NEMF: variants seen among roughly 807,000 people sequenced by gnomAD.
NEMF encodes the protein ribosome quality control complex subunit NEMF.
A neutral mutation model predicts 162.2 loss-of-function variants in NEMF; 89 were observed. That is an observed-to-expected ratio of 0.55 (90% CI 0.46 to 0.65). The LOEUF (loss-of-function observed/expected upper bound fraction) is 0.65, where lower values mean the gene tolerates loss of function less well. NEMF is among the 30% of genes least tolerant of loss of function. The probability of loss-of-function intolerance (pLI) is 0.00; values close to 1 mark genes in which losing one functional copy is unlikely to be tolerated. For missense variants in NEMF, 1,133 were observed against 1,261.9 expected, an observed-to-expected ratio of 0.90 and a Z score of 1.55; for synonymous variants, 421 against 404.5, an observed-to-expected ratio of 1.04 and a Z score of -0.49.
At chr14:49,838,036 T>C in intron 6 of NEMF, 103 bp downstream of exon 6, 1 of 826,988 alleles carries the variant, frequency 1.2e-6, no homozygotes, top group Non-Finnish European at 1.9e-6. Flanking sequence ...ACTCCAAGGA[T>C]CACTTGTTCA....
intron 1 of NEMF, among the ~76,000 whole-genome samples, 177 bp downstream of exon 1, chr14:49,852,518 A>G (rs1893830845): frequency 6.6e-6 from 1 of 152,256 alleles, no homozygotes; most frequent in Admixed American, 6.5e-5. Flanking sequence ...TGGGACCCCC[A>G]GGGGTATCCT....
intron 15 of NEMF, among the ~76,000 whole-genome samples, chr14:49,826,872 A>G (rs1892376759): frequency 6.6e-6 from 1 of 152,202 alleles, no homozygotes; most frequent in Non-Finnish European, 1.5e-5. Flanking sequence ...ATCGTTAGTA[A>G]TGAGCGGTCA....
Position 49,831,366 on chromosome 14 carries a change from T to A in NEMF, c.883-5A>T, listed in dbSNP as rs754047814. The A allele has an allele frequency of 1.3e-6, 2 of 1,586,200 alleles. No individual in the cohort carries two copies. The highest frequency in any genetic ancestry group is 1.7e-6 in the Non-Finnish European group (2 of 1,156,252). On this transcript the variant is annotated splice_region_variant and splice_polypyrimidine_tract_variant and intron_variant, in intron 10 of 32. Transcript: ENST00000298310. The stretch of plus-strand genomic sequence containing the variant: ...GGAATAAAATTCATCCACCGCCTTA[T>A]TAAAAAAACAAACAACTAGTTGGAA...
intron 3 of NEMF, 100 bp downstream of exon 3, chr14:49,851,463 T>C: frequency 1.3e-6 from 1 of 773,030 alleles, no homozygotes; most frequent in Non-Finnish European, 2.2e-6. Context: ...ACCTTCATTT[T>C]ATCTGCACTT....
intron 16 of NEMF, among the ~76,000 whole-genome samples, chr14:49,816,891 T>C (rs138712872): frequency 1.8e-3 from 278 of 152,212 alleles, no homozygotes; most frequent in Admixed American, 4.1e-3. Flanking sequence ...AGGGAATGTA[T>C]AGCCAACAAG....
At chr14:49,819,028 G>A (rs1347655904) in intron 16 of NEMF, among the ~76,000 whole-genome samples, 3 of 151,980 alleles carry the variant, frequency 2.0e-5, no homozygotes. Context: ...TATGAAAGAT[G>A]GAGACAAAAG....
chr14:49,817,732 A>G (rs1594764908), intron 16 of NEMF, among the ~76,000 whole-genome samples: 1 of 152,038 alleles, frequency 6.6e-6, no homozygotes, highest in East Asian at 1.9e-4. Flanking sequence ...AACTTTAGAC[A>G]AAGTCTTTAA....
intron 5 of NEMF, among the ~76,000 whole-genome samples, chr14:49,839,005 C>A (rs982094949): frequency 5.3e-5 from 8 of 151,900 alleles, no homozygotes; most frequent in Non-Finnish European, 1.0e-4. Context: ...ACTGAATTAG[C>A]AGAGGGTGGG....
At position 49,784,533 on chromosome 14, in the gene NEMF, C is replaced by G. The variant is rs1488527433; in HGVS notation, c.*103G>C. 2.5e-5 allele frequency: 20 copies of G among 790,076 alleles called. No homozygotes were observed. Among genetic ancestry groups the G allele is most frequent in the Non-Finnish European group, 3.7e-5 (18 of 483,874 alleles). 48.9% of individuals were successfully genotyped at this position (790,076 alleles called of 1,614,324 possible). A position where few individuals can be genotyped will look rare whatever the true frequency, so the allele number is the denominator to read the frequency against. On this transcript the variant is annotated 3_prime_UTR_variant, in exon 33 of 33. Transcript: ENST00000298310. ...GAATATAGCAAGGCAATGTTTAGTT[C>G]ATTTTTATAATGCGGAAATCCTGAT...
At chr14:49,804,374 C>T (rs1309779327) in intron 19 of NEMF, among the ~76,000 whole-genome samples, 1 of 151,844 alleles carries the variant, frequency 6.6e-6, no homozygotes, top group Non-Finnish European at 1.5e-5. Context: ...TAAACTTATC[C>T]CATAATTTAA....
At chr14:49,796,618 T>G (rs1890703812) in intron 25 of NEMF, among the ~76,000 whole-genome samples, 1 of 152,236 alleles carries the variant, frequency 6.6e-6, no homozygotes, top group Non-Finnish European at 1.5e-5. Flanking sequence ...CCCAAAGTGC[T>G]GGGATTATAG....
At chr14:49,836,106 C>T (rs1892889694) in intron 6 of NEMF, among the ~76,000 whole-genome samples, 1 of 152,078 alleles carries the variant, frequency 6.6e-6, no homozygotes, top group Non-Finnish European at 1.5e-5. Context: ...AAGGTGAAAC[C>T]CCATCTCTAC....
At position 49,844,976 on chromosome 14, in the gene NEMF, G is replaced by A. The variant is rs1893422142; in HGVS notation, c.357+1164C>T. ...TAGAGATGCAGTTTTGCCACATTGG[G>A]CAGGCTGGTCTCAAACTCCTGACCT... On this transcript the variant is annotated intron_variant, in intron 4 of 32. Coordinates refer to ENST00000298310, the MANE Select transcript of NEMF (RefSeq NM_004713.6). 3 of 193,384 alleles carry A rather than the reference G, an allele frequency of 1.6e-5. No individual in the cohort carries two copies. The South Asian group carries it at 2.1e-4, about 13-fold the overall frequency. The allele number at this position is 193,384 out of a possible 1,614,324, so 12.0% of individuals were successfully genotyped here.
rs1269084177 is a variant in NEMF, at chr14:49,846,171, G to C, written c.326C>G (p.Ala109Gly). ...VDFQFGSDEA[A>G]YHLIIELYDR... is the part of the protein sequence containing the mutation. ...ATAGAGCTCAATGATTAAATGGTAA[G>C]CAGCTTCATCACTTCCAAATTGAAA... The change falls in exon 4 of 33, where the codon GCT (alanine) becomes GGT (glycine). Residue 109 changes from alanine (A) to glycine (G), a missense_variant. Coordinates refer to ENST00000298310, the MANE Select transcript of NEMF (RefSeq NM_004713.6). 21 of 1,613,680 alleles carry C rather than the reference G, an allele frequency of 1.3e-5. No individual in the cohort carries two copies. Among genetic ancestry groups the C allele is most frequent in the Non-Finnish European group, 1.8e-5 (21 of 1,179,690 alleles).
rs568236559 is a variant in NEMF at position 49,842,061 on chromosome 14, C to T, written c.358-1195G>A. On this transcript the variant is annotated intron_variant, in intron 4 of 32. Coordinates refer to ENST00000298310, the MANE Select transcript of NEMF (RefSeq NM_004713.6). Reference sequence around the variant, plus strand: ...CGGAGGTTGCTGTGAGCCGAGATCACGCCATTGCACTCCAGCCTGGGCAAC... The same window carrying T: ...CGGAGGTTGCTGTGAGCCGAGATCATGCCATTGCACTCCAGCCTGGGCAAC... Among the ~76,000 whole-genome samples the T allele has an allele frequency of 8.0e-5, 12 of 150,850 alleles. No homozygotes were observed. The South Asian group carries it at 1.5e-3, about 18-fold the overall frequency.
intron 19 of NEMF, among the ~76,000 whole-genome samples, chr14:49,803,814 A>G (rs1445015458): frequency 6.6e-6 from 1 of 151,844 alleles, no homozygotes; most frequent in Non-Finnish European, 1.5e-5. Context: ...GTGAGCCACT[A>G]TGCCCGGCAA....
At chr14:49,839,804 A>C (rs989132750) in intron 5 of NEMF, 3 of 152,234 alleles carry the variant, frequency 2.0e-5, no homozygotes, top group African/African-American at 4.8e-5. Flanking sequence ...ATGACATGAA[A>C]TTTGTTAAGT....
chr14:49,827,468 T>A (rs1385150677), intron 15 of NEMF, among the ~76,000 whole-genome samples: 2 of 150,842 alleles, frequency 1.3e-5, no homozygotes, highest in Admixed American at 1.3e-4. Context: ...ATTACAGGCG[T>A]CAACCACCAC....
At position 49,799,653 on chromosome 14, in the gene NEMF, CTTTTGAAGCCAA is replaced by C. The variant is rs769852616; in HGVS notation, c.2386_2397del (p.Leu796_Lys799del). 1.2e-6 allele frequency: 2 copies of C among 1,612,228 alleles called. No individual in the cohort carries two copies. The highest frequency in any genetic ancestry group is 2.7e-5 in the African/African-American group (2 of 74,822). ...TAGCTTACAGAATTAGAAGATTCCT[CTTTTGAAGCCAA>C]TTTCTGGATGGACCTATGAAAATAA... is the stretch of plus-strand genomic sequence containing the variant. On this transcript the variant is annotated inframe_deletion, in exon 24 of 33. Transcript: ENST00000298310.
Sources: allele counts gnomAD v4.1 joint callset (sites outside exome capture counted in the v4.1 genomes callset), GRCh38; gene constraint gnomAD v4.1.1; transcripts MANE v1.5; gene names NCBI Gene and HGNC (gene_info 2026-07-23, HGNC 2026-07-21).